Variants in EDIL3 observed in about 807,000 individuals in gnomAD.
The protein encoded by EDIL3 is EGF like and discoidin domains 3.
Under a neutral mutation model 67.4 loss-of-function variants are expected in EDIL3, and 37 were observed. The ratio of observed to expected loss-of-function variants is 0.55; its 90% CI spans 0.42 to 0.72. The LOEUF is 0.72. Among genes scored for constraint, EDIL3 ranks in the 30% least tolerant of loss-of-function variants. The pLI, the probability that EDIL3 is intolerant of heterozygous loss-of-function variation, is 0.00. For synonymous variants in EDIL3, 195 were observed against 196.3 expected (o/e 0.99, Z 0.05); for missense variants, 527 against 586.3 (o/e 0.90, Z 1.04).
chr5:84,086,965 T>C (rs1245437798), intron 6 of EDIL3, among the ~76,000 whole-genome samples: 1 of 151,982 alleles, frequency 6.6e-6, no homozygotes, highest in Non-Finnish European at 1.5e-5. Context: ...GTGGATACTC[T>C]CTGTTAAAAA....
chr5:83,945,555 A>G (rs1462835499), intron 10 of EDIL3, among the ~76,000 whole-genome samples: 1 of 151,984 alleles, frequency 6.6e-6, no homozygotes, highest in Non-Finnish European at 1.5e-5. Context: ...AAGGAAATAC[A>G]GAAAGAAACA....
intron 6 of EDIL3, chr5:84,078,759 T>G (rs572116956): frequency 5.9e-5 from 9 of 152,304 alleles, no homozygotes; most frequent in Admixed American, 4.6e-4. Flanking sequence ...GGAAAATGAC[T>G]TAAGTATGGC....
intron 3 of EDIL3, among the ~76,000 whole-genome samples, chr5:84,215,420 A>C (rs2112394022): frequency 6.6e-6 from 1 of 152,046 alleles, no homozygotes; most frequent in Admixed American, 6.5e-5. Context: ...CACCTGGCTA[A>C]TTTTTTGTAT....
At chr5:84,165,016 C>T (rs1040680573) in intron 4 of EDIL3, among the ~76,000 whole-genome samples, 24 of 151,958 alleles carry the variant, frequency 1.6e-4, no homozygotes, top group Middle Eastern at 3.4e-3. Context: ...TCCTGAAGGA[C>T]GGATGGCAAG....
At chr5:84,236,510 C>T (rs927734704) in intron 2 of EDIL3, among the ~76,000 whole-genome samples, 2 of 152,058 alleles carry the variant, frequency 1.3e-5, no homozygotes, top group Non-Finnish European at 2.9e-5. Context: ...TCAAGTTTCA[C>T]CACCTTCAAC....
intron 1 of EDIL3, among the ~76,000 whole-genome samples, chr5:84,287,088 G>C (rs912245111): frequency 1.3e-5 from 2 of 152,178 alleles, no homozygotes; most frequent in Non-Finnish European, 2.9e-5. Flanking sequence ...CACATAATGG[G>C]AGATGCAGAG....
At chr5:84,072,214 C>T (rs1746752435) in intron 6 of EDIL3, among the ~76,000 whole-genome samples, 1 of 151,878 alleles carries the variant, frequency 6.6e-6, no homozygotes, top group Admixed American at 6.6e-5. Flanking sequence ...TAAACTTTTA[C>T]AAATTATATC....
chr5:84,030,964 G>A (rs2112202524), intron 9 of EDIL3, among the ~76,000 whole-genome samples: 1 of 152,238 alleles, frequency 6.6e-6, no homozygotes, highest in African/African-American at 2.4e-5. Context: ...GAGGCTGGTA[G>A]TCCAAGATCA....
intron 1 of EDIL3, among the ~76,000 whole-genome samples, chr5:84,349,536 C>T (rs1747313108): frequency 6.6e-6 from 1 of 151,838 alleles, no homozygotes; most frequent in South Asian, 2.1e-4. Context: ...TAATTGTGGG[C>T]CATTTTGAAA....
chr5:84,118,936 T>A (rs1747722061), intron 5 of EDIL3, among the ~76,000 whole-genome samples: 1 of 152,192 alleles, frequency 6.6e-6, no homozygotes, highest in South Asian at 2.1e-4. Context: ...ATATGGGAAC[T>A]GTGCTGGTTA....
chr5:84,173,265 G>A lies in EDIL3; in HGVS notation c.355+7128C>T, dbSNP rs540091512. Among the ~76,000 whole-genome samples the A allele has an allele frequency of 9.2e-5, 14 of 152,244 alleles. 1 individual carries two copies. The South Asian group carries it at 2.9e-3, about 32-fold the overall frequency. On this transcript the variant is annotated intron_variant, in intron 4 of 10. Transcript: ENST00000296591. ...GACTGAGTGAGGGTCAGATGCCTGA[G>A]CTGTGGGAGCCACAGTTGGTGGGCG... is the stretch of plus-strand genomic sequence containing the variant.
rs548092910 is a variant in EDIL3 at position 84,133,253 on chromosome 5, T to G, written c.469+3988A>C. 2.6e-5 allele frequency among the ~76,000 whole-genome samples: 4 copies of G among 152,188 alleles called. No homozygotes were observed. In the South Asian group the frequency reaches 8.3e-4, roughly 32 times the overall value. On this transcript the variant is annotated intron_variant, in intron 5 of 10. Coordinates refer to ENST00000296591, the MANE Select transcript of EDIL3 (RefSeq NM_005711.5). ...CTTATCTGTTCTTATGAGAATAGTT[T>G]TCTCATTCCAATTCATCATCATTTT...
intron 9 of EDIL3, among the ~76,000 whole-genome samples, chr5:84,028,394 G>A (rs575700698): frequency 8.5e-5 from 13 of 152,218 alleles, no homozygotes; most frequent in African/African-American, 7.2e-5. Context: ...TTCAGGAAAC[G>A]TAGTGAGTTA....
chr5:84,137,583 A>G (rs1202955508), intron 4 of EDIL3, among the ~76,000 whole-genome samples: 1 of 152,206 alleles, frequency 6.6e-6, no homozygotes, highest in Non-Finnish European at 1.5e-5. Context: ...CGAAAGGCCA[A>G]TGGAACTAAA....
chr5:84,107,386 A>G (rs1445150688), intron 5 of EDIL3, among the ~76,000 whole-genome samples: 5 of 151,956 alleles, frequency 3.3e-5, no homozygotes, highest in Non-Finnish European at 5.9e-5. Flanking sequence ...ACATTTAAAA[A>G]TATTATTATA....
At position 84,244,385 on chromosome 5, in the gene EDIL3, A is replaced by T. The variant is rs749124699; in HGVS notation, c.196+9699T>A. On this transcript the variant is annotated intron_variant, in intron 2 of 10. Coordinates refer to ENST00000296591, the MANE Select transcript of EDIL3 (RefSeq NM_005711.5). The stretch of plus-strand genomic sequence containing the variant: ...AACCTCTGCCTCCCAGGTTCAAGCA[A>T]TTCTCATTTCAGCCTCCTGAGTAGC... 2.0e-4 allele frequency among the ~76,000 whole-genome samples: 31 copies of T among 151,376 alleles called. No homozygotes were observed. In the Middle Eastern group the frequency reaches 0.01, roughly 51 times the overall value.
chr5:83,976,754 GC>G (rs952930224), intron 9 of EDIL3, among the ~76,000 whole-genome samples: 2 of 151,252 alleles, frequency 1.3e-5, no homozygotes, highest in African/African-American at 4.8e-5. Flanking sequence ...TGTTTATTGT[GC>G]CCTTGCTTTT....
intron 3 of EDIL3, among the ~76,000 whole-genome samples, chr5:84,221,864 T>C (rs1415587923): frequency 6.6e-6 from 1 of 151,948 alleles, no homozygotes; most frequent in Non-Finnish European, 1.5e-5. Flanking sequence ...AGAGATAAAT[T>C]TGTAGCAAAT....
chr5:83,998,504 C>T (rs1561398046), intron 9 of EDIL3, among the ~76,000 whole-genome samples: 1 of 152,140 alleles, frequency 6.6e-6, no homozygotes, highest in Non-Finnish European at 1.5e-5. Flanking sequence ...TGTGATCCAG[C>T]ACATTCCCAG....
Sources: allele counts gnomAD v4.1 joint callset (sites outside exome capture counted in the v4.1 genomes callset), GRCh38; gene constraint gnomAD v4.1.1; transcripts MANE v1.5; gene names NCBI Gene and HGNC (gene_info 2026-07-23, HGNC 2026-07-21).